CTNNA3: variants seen among roughly 807,000 people sequenced by gnomAD.
The protein encoded by CTNNA3 is catenin alpha-3.
Under a neutral mutation model 95.7 loss-of-function variants are expected in CTNNA3, and 76 were observed. That is an observed-to-expected ratio of 0.79 (90% confidence interval 0.66 to 0.96). The LOEUF (loss-of-function observed/expected upper bound fraction) is 0.96, where lower values mean the gene tolerates loss of function less well. CTNNA3 is among the 40% of genes least tolerant of loss of function. The pLI is 0.00. For missense variants in CTNNA3, 1,191 were observed against 1,089.8 expected (o/e 1.09, Z -1.31); for synonymous variants, 431 against 374.4 (o/e 1.15, Z -1.74).
chr10:66,974,174 G>T (rs7903324), intron 7 of CTNNA3, among the ~76,000 whole-genome samples: 2 of 152,060 alleles, frequency 1.3e-5, no homozygotes, highest in Non-Finnish European at 2.9e-5. Context: ...AGCTTGATAC[G>T]AATGAAATCA....
At chr10:66,585,647 C>A (rs1843336582) in intron 10 of CTNNA3, among the ~76,000 whole-genome samples, 1 of 151,732 alleles carries the variant, frequency 6.6e-6, no homozygotes, top group Non-Finnish European at 1.5e-5. Flanking sequence ...ACTTAATAAT[C>A]AACTTTTTTG....
intron 9 of CTNNA3, among the ~76,000 whole-genome samples, chr10:66,746,736 C>T (rs2132714180): frequency 6.6e-6 from 1 of 152,248 alleles, no homozygotes; most frequent in East Asian, 1.9e-4. Context: ...AGGTGAGAGT[C>T]CCTTGACTCC....
intron 11 of CTNNA3, among the ~76,000 whole-genome samples, chr10:66,415,431 G>A (rs565991844): frequency 6.6e-6 from 1 of 152,036 alleles, no homozygotes; most frequent in Non-Finnish European, 1.5e-5. Context: ...GGACCTAGAG[G>A]GTTGTCACAC....
At chr10:67,510,039 G>C (rs1839562207) in intron 5 of CTNNA3, among the ~76,000 whole-genome samples, 1 of 151,742 alleles carries the variant, frequency 6.6e-6, no homozygotes, top group African/African-American at 2.4e-5. Context: ...TCATGGGGTT[G>C]CTTTTTCTTG....
intron 6 of CTNNA3, among the ~76,000 whole-genome samples, chr10:67,216,490 CA>C (rs1864367113): frequency 6.6e-6 from 1 of 152,128 alleles, no homozygotes; most frequent in Non-Finnish European, 1.5e-5. Flanking sequence ...CTTTTCACTG[CA>C]AAATCACAAA....
intron 17 of CTNNA3, among the ~76,000 whole-genome samples, chr10:65,932,411 T>G (rs181469412): frequency 2.6e-5 from 4 of 152,280 alleles, no homozygotes; most frequent in Admixed American, 1.3e-4. Flanking sequence ...TAAACTTGTG[T>G]CAAGACCATA....
chr10:67,202,787 T>C (rs937585787), intron 6 of CTNNA3, among the ~76,000 whole-genome samples: 7 of 152,022 alleles, frequency 4.6e-5, no homozygotes, highest in Admixed American at 3.9e-4. Flanking sequence ...CTTTACATAG[T>C]AAATGTAACC....
intron 1 of CTNNA3, among the ~76,000 whole-genome samples, chr10:67,687,461 A>G (rs1385953339): frequency 6.6e-6 from 1 of 151,960 alleles, no homozygotes; most frequent in Non-Finnish European, 1.5e-5. Context: ...GACCTGCTCT[A>G]TTTTCTGTCC....
intron 1 of CTNNA3, among the ~76,000 whole-genome samples, chr10:67,758,686 T>A (rs1358509423): frequency 1.3e-5 from 2 of 152,140 alleles, no homozygotes; most frequent in Non-Finnish European, 2.9e-5. Flanking sequence ...TAGAGTTTTA[T>A]AGGGAATCAA....
chr10:66,046,064 A>G (rs1386991295), intron 15 of CTNNA3, among the ~76,000 whole-genome samples: 1 of 152,168 alleles, frequency 6.6e-6, no homozygotes, highest in Admixed American at 6.5e-5. Context: ...ACATCCAGTT[A>G]CTCACTGGAT....
At chr10:66,166,137 G>T (rs544908012) in intron 13 of CTNNA3, among the ~76,000 whole-genome samples, 2 of 151,814 alleles carry the variant, frequency 1.3e-5, no homozygotes, top group African/African-American at 2.4e-5. Context: ...CTTCAAGAAG[G>T]TAACTGCATT....
At chr10:66,039,304 C>T (rs1461097680) in intron 15 of CTNNA3, among the ~76,000 whole-genome samples, 1 of 152,108 alleles carries the variant, frequency 6.6e-6, no homozygotes, top group Non-Finnish European at 1.5e-5. Context: ...TTAAAGTAGC[C>T]ATACTGGCCG....
intron 5 of CTNNA3, among the ~76,000 whole-genome samples, chr10:67,419,373 T>A (rs928730281): frequency 1.3e-5 from 2 of 152,194 alleles, no homozygotes; most frequent in African/African-American, 4.8e-5. Context: ...AATTTCAACT[T>A]TTATTTTAGA....
At chr10:67,436,963 C>G (rs544551126) in intron 5 of CTNNA3, among the ~76,000 whole-genome samples, 1 of 152,208 alleles carries the variant, frequency 6.6e-6, no homozygotes, top group African/African-American at 2.4e-5. Flanking sequence ...TCCAGCAATC[C>G]CACTAATGTG....
chr10:67,087,573 G>A (rs1198313067), intron 7 of CTNNA3, among the ~76,000 whole-genome samples: 1 of 151,510 alleles, frequency 6.6e-6, no homozygotes, highest in East Asian at 1.9e-4. Flanking sequence ...AATAATAAAG[G>A]ATTTTTAAAT....
chr10:66,588,693 A>G (rs1589458026), intron 10 of CTNNA3, among the ~76,000 whole-genome samples: 1 of 152,186 alleles, frequency 6.6e-6, no homozygotes, highest in South Asian at 2.1e-4. Context: ...CAAAAGTCAG[A>G]CACGAAGAAA....
intron 9 of CTNNA3, among the ~76,000 whole-genome samples, chr10:66,655,377 C>G (rs774925418): frequency 6.6e-6 from 1 of 151,824 alleles, no homozygotes; most frequent in Non-Finnish European, 1.5e-5. Context: ...TTTAAGACGA[C>G]AGAAATGTGA....
At chr10:67,521,156 G>A (rs1839972485) in intron 5 of CTNNA3, among the ~76,000 whole-genome samples, 1 of 152,178 alleles carries the variant, frequency 6.6e-6, no homozygotes, top group Admixed American at 6.5e-5. Context: ...AGCAGATTCA[G>A]CCTAGGAAGA....
intron 14 of CTNNA3, among the ~76,000 whole-genome samples, chr10:66,101,732 T>C (rs1249854848): frequency 6.6e-6 from 1 of 152,134 alleles, no homozygotes; most frequent in Non-Finnish European, 1.5e-5. Flanking sequence ...ATATTTTACA[T>C]AATATGTTGT....
Sources: allele counts gnomAD v4.1 joint callset (sites outside exome capture counted in the v4.1 genomes callset), GRCh38; gene constraint gnomAD v4.1.1; transcripts MANE v1.5; gene names NCBI Gene and HGNC (gene_info 2026-07-23, HGNC 2026-07-21).